Variants in SFMBT1 observed in about 807,000 individuals in gnomAD.
SFMBT1 encodes scm-like with four MBT domains protein 1.
Under a neutral mutation model 108.7 loss-of-function variants are expected in SFMBT1, and 32 were observed. That is an observed-to-expected ratio of 0.29 (90% CI 0.22 to 0.40). The LOEUF is 0.40. SFMBT1 is among the 10% of genes least tolerant of loss of function. The probability of loss-of-function intolerance (pLI) is 1.00; values close to 1 mark genes in which losing one functional copy is unlikely to be tolerated. For synonymous variants in SFMBT1, 348 were observed against 369.5 expected (o/e 0.94, Z 0.67); for missense variants, 816 against 1,059.6 (o/e 0.77, Z 3.19).
At position 52,974,073 on chromosome 3, in the gene SFMBT1, C is replaced by T. The variant is rs149598359; in HGVS notation, c.-130-4815G>A. 1.6e-3 allele frequency among the ~76,000 whole-genome samples: 238 copies of T among 152,240 alleles called. 1 individual carries two copies. The highest frequency in any genetic ancestry group is 5.5e-3 in the African/African-American group (227 of 41,530). Reference sequence around the variant, plus strand: ...CAGCCAAATGATTTAACATGTCTGACATAAGTAACTTTTAAAGGGCTTAGA... The same window carrying T: ...CAGCCAAATGATTTAACATGTCTGATATAAGTAACTTTTAAAGGGCTTAGA... On this transcript the variant is annotated intron_variant, in intron 1 of 20. Transcript: ENST00000394752.
In SFMBT1 at chr3:52,966,001, G is replaced by A. The variant is rs1191777899; in HGVS notation, c.28+3100C>T. ...AGCCTGAGCGACAGAGCAAGACTCC[G>A]TTTCAAAAAAAAAAAAAAAAAAAAA... is the stretch of plus-strand genomic sequence containing the variant. On this transcript the variant is annotated intron_variant, in intron 2 of 20. Transcript: ENST00000394752. 1.7e-4 allele frequency among the ~76,000 whole-genome samples: 8 copies of A among 47,088 alleles called. No individual in the cohort carries two copies. The East Asian group carries it at 5.0e-3, about 29-fold the overall frequency. The allele number at this position is 47,088 out of a possible 152,430, so 30.9% of individuals were successfully genotyped here.
intron 13 of SFMBT1, among the ~76,000 whole-genome samples, chr3:52,917,870 G>A (rs1357897924): frequency 6.6e-6 from 1 of 152,202 alleles, no homozygotes; most frequent in Non-Finnish European, 1.5e-5. Context: ...TGCCAAAAAC[G>A]TTGGGGACCG....
At chr3:53,040,841 C>T (rs892450350) in intron 1 of SFMBT1, among the ~76,000 whole-genome samples, 12 of 149,554 alleles carry the variant, frequency 8.0e-5, no homozygotes, top group Admixed American at 1.3e-4. Context: ...GACAGGGTCT[C>T]GCTATGTCAC....
At chr3:52,931,582 G>T (rs1702860858) in intron 6 of SFMBT1, among the ~76,000 whole-genome samples, 1 of 152,182 alleles carries the variant, frequency 6.6e-6, no homozygotes, top group Admixed American at 6.5e-5. Context: ...TCTCACGCCT[G>T]TAATCCCAGC....
intron 1 of SFMBT1, among the ~76,000 whole-genome samples, chr3:52,995,452 C>A (rs749766338): frequency 6.7e-6 from 1 of 150,214 alleles, no homozygotes; most frequent in Non-Finnish European, 1.5e-5. Flanking sequence ...GCAATGGGCA[C>A]GATCACTGCT....
chr3:52,906,706 A>T (rs1702072988), intron 19 of SFMBT1, among the ~76,000 whole-genome samples: 1 of 152,228 alleles, frequency 6.6e-6, no homozygotes, highest in Admixed American at 6.5e-5. Context: ...AAATGGCTTA[A>T]CCAGAATCAA....
chr3:53,020,419 TAAAG>T lies in SFMBT1; in HGVS notation c.-131+25393_-131+25396del, dbSNP rs943927492. Reference sequence around the variant, plus strand: ...CAAACAAACAAAGAAAAAACAAAAATAAAGAAAAAGAAAAAAAGGAAAAAAGAGA... The same window carrying T: ...CAAACAAACAAAGAAAAAACAAAAATAAAAAGAAAAAAAGGAAAAAAGAGA... On this transcript the variant is annotated intron_variant, in intron 1 of 20. Coordinates refer to ENST00000394752, the MANE Select transcript of SFMBT1 (RefSeq NM_016329.4). 1.5e-4 allele frequency among the ~76,000 whole-genome samples: 23 copies of T among 149,586 alleles called. No homozygotes were observed. The East Asian group carries it at 3.7e-3, about 24-fold the overall frequency.
At chr3:53,011,903 G>A (rs1308892559) in intron 1 of SFMBT1, among the ~76,000 whole-genome samples, 1 of 152,140 alleles carries the variant, frequency 6.6e-6, no homozygotes, top group East Asian at 1.9e-4. Context: ...TTGGATTGTA[G>A]GTTTGCAAGT....
chr3:53,034,095 A>C (rs1699784323), intron 1 of SFMBT1, among the ~76,000 whole-genome samples: 1 of 150,726 alleles, frequency 6.6e-6, no homozygotes, highest in East Asian at 1.9e-4. Flanking sequence ...AAAAAAAAAA[A>C]ATCAACAATT....
chr3:53,012,098 G>GA (rs1263183382), intron 1 of SFMBT1, among the ~76,000 whole-genome samples: 1 of 152,198 alleles, frequency 6.6e-6, no homozygotes, highest in Admixed American at 6.5e-5. Flanking sequence ...AGGAAACCTA[G>GA]AAAGTTTCCT....
chr3:52,952,416 C>G (rs1703626496), intron 3 of SFMBT1, among the ~76,000 whole-genome samples: 1 of 152,206 alleles, frequency 6.6e-6, no homozygotes, highest in African/African-American at 2.4e-5. Context: ...CTAAACTGTT[C>G]ACCCCAAAAT....
chr3:52,977,941 A>C (rs1222319425), intron 1 of SFMBT1, among the ~76,000 whole-genome samples: 1 of 152,186 alleles, frequency 6.6e-6, no homozygotes, highest in Non-Finnish European at 1.5e-5. Context: ...ATTTATTGAC[A>C]TGGAAAGCTA....
intron 3 of SFMBT1, among the ~76,000 whole-genome samples, chr3:52,945,467 A>C (rs1435892329): frequency 2.0e-5 from 3 of 152,056 alleles, no homozygotes; most frequent in Non-Finnish European, 4.4e-5. Flanking sequence ...ATATTGAAAA[A>C]AAAAGATGGA....
chr3:52,991,671 G>C (rs1705137582), intron 1 of SFMBT1, among the ~76,000 whole-genome samples: 1 of 152,062 alleles, frequency 6.6e-6, no homozygotes, highest in South Asian at 2.1e-4. Flanking sequence ...TCCCTAATAT[G>C]AGAGTATTAA....
At chr3:52,985,849 G>A (rs1704886090) in intron 1 of SFMBT1, among the ~76,000 whole-genome samples, 1 of 152,026 alleles carries the variant, frequency 6.6e-6, no homozygotes, top group Non-Finnish European at 1.5e-5. Context: ...TATCATAAAA[G>A]ATAAAAAATG....
At chr3:52,934,391 G>A (rs545844313) in intron 5 of SFMBT1, among the ~76,000 whole-genome samples, 2 of 151,126 alleles carry the variant, frequency 1.3e-5, no homozygotes, top group South Asian at 2.1e-4. Context: ...TGAAAAGCAG[G>A]TGGAAGGCAG....
intron 1 of SFMBT1, among the ~76,000 whole-genome samples, chr3:52,989,586 G>A (rs1705050159): frequency 6.6e-6 from 1 of 151,988 alleles, no homozygotes; most frequent in Non-Finnish European, 1.5e-5. Context: ...AGATCACGAG[G>A]TCAGGAGATA....
rs967388182 is a variant in SFMBT1 at position 53,001,344 on chromosome 3, CT to C, written c.-130-32087del. Among the ~76,000 whole-genome samples the C allele has an allele frequency of 1.0e-3, 153 of 150,402 alleles. 4 individuals carry two copies. The highest frequency in any genetic ancestry group is 3.6e-3 in the African/African-American group (149 of 41,400). Reference sequence around the variant, plus strand: ...TACTAGAGAGACTGAGACAGAAGGACTGCTTGAGCTCAGGAGTTCAAGGCTG... The same window carrying C: ...TACTAGAGAGACTGAGACAGAAGGACGCTTGAGCTCAGGAGTTCAAGGCTG... On this transcript the variant is annotated intron_variant, in intron 1 of 20. Transcript: ENST00000394752.
At chr3:52,938,724 T>C (rs1057265183) in intron 4 of SFMBT1, among the ~76,000 whole-genome samples, 7 of 152,148 alleles carry the variant, frequency 4.6e-5, no homozygotes, top group Non-Finnish European at 7.4e-5. Flanking sequence ...AGTAATAATG[T>C]AACTACATTT....
Sources: allele counts gnomAD v4.1 joint callset (sites outside exome capture counted in the v4.1 genomes callset), GRCh38; gene constraint gnomAD v4.1.1; transcripts MANE v1.5; gene names NCBI Gene and HGNC (gene_info 2026-07-23, HGNC 2026-07-21).